The following STAMBPL1 variants were observed in gnomAD, a reference collection of about 807,000 sequenced individuals.
STAMBPL1 encodes STAM binding protein like 1.
Under a neutral mutation model 52.9 loss-of-function variants are expected in STAMBPL1, and 44 were observed. The observed-to-expected ratio is 0.83, with a 90% CI of 0.65 to 1.07. STAMBPL1 has a LOEUF of 1.07. STAMBPL1 is among the 50% of genes least tolerant of loss of function. STAMBPL1 has a pLI of 0.00. For synonymous variants in STAMBPL1, 164 were observed against 177.3 expected, an observed-to-expected ratio of 0.92 and a Z score of 0.60; for missense variants, 511 against 520.8, an observed-to-expected ratio of 0.98 and a Z score of 0.18.
intron 1 of STAMBPL1, among the ~76,000 whole-genome samples, chr10:88,884,206 A>T (rs1844473584): frequency 6.6e-6 from 1 of 152,264 alleles, no homozygotes; most frequent in Admixed American, 6.5e-5. Context: ...AAAACTGCTT[A>T]TCACTGTTCT....
Position 88,915,571 on chromosome 10 carries a change from C to T in STAMBPL1, c.903+913C>T, listed in dbSNP as rs564347442. Reference sequence around the variant, plus strand: ...TTGTATTCAGATTGGTTGACTGATTCGTTCACTCCATTGTCAGACAAACAT... The same window carrying T: ...TTGTATTCAGATTGGTTGACTGATTTGTTCACTCCATTGTCAGACAAACAT... On this transcript the variant is annotated intron_variant, in intron 7 of 10. Coordinates refer to ENST00000371926, the MANE Select transcript of STAMBPL1 (RefSeq NM_020799.4). Among the ~76,000 whole-genome samples the T allele has an allele frequency of 3.9e-5, 6 of 152,292 alleles. No homozygotes were observed. In the East Asian group the frequency reaches 9.7e-4, roughly 25 times the overall value.
At chr10:88,882,445 T>C (rs1437458291) in intron 1 of STAMBPL1, 1 of 152,252 alleles carries the variant, frequency 6.6e-6, no homozygotes, top group East Asian at 1.9e-4. Flanking sequence ...CACCGTTTGA[T>C]CATTTCCTTC....
chr10:88,901,905 C>G (rs1844952204), intron 2 of STAMBPL1, among the ~76,000 whole-genome samples, 167 bp downstream of exon 2: 1 of 152,184 alleles, frequency 6.6e-6, no homozygotes, highest in Non-Finnish European at 1.5e-5. Flanking sequence ...ATAAAGCTAT[C>G]TTTGTAAGAC....
chr10:88,885,875 A>G (rs2133116973), intron 1 of STAMBPL1, among the ~76,000 whole-genome samples: 1 of 152,312 alleles, frequency 6.6e-6, no homozygotes, highest in South Asian at 2.1e-4. Context: ...TGATTCCAAT[A>G]TTTTGACTTT....
chr10:88,906,039 A>C (rs1845065491), intron 3 of STAMBPL1, among the ~76,000 whole-genome samples: 1 of 152,212 alleles, frequency 6.6e-6, no homozygotes, highest in African/African-American at 2.4e-5. Context: ...TAGCACCTAG[A>C]ACATGCCATC....
chr10:88,886,362 C>T (rs1443124378), intron 1 of STAMBPL1, among the ~76,000 whole-genome samples: 1 of 152,102 alleles, frequency 6.6e-6, no homozygotes, highest in Non-Finnish European at 1.5e-5. Flanking sequence ...ATTTTGAAAT[C>T]TCACCCTTAA....
intron 9 of STAMBPL1, 84 bp from the exon 10 acceptor site, chr10:88,922,253 G>T: frequency 8.2e-7 from 1 of 1,221,644 alleles, no homozygotes; most frequent in Non-Finnish European, 1.2e-6. Flanking sequence ...TGAGGAATAT[G>T]TATGTGTGTG....
intron 1 of STAMBPL1, among the ~76,000 whole-genome samples, chr10:88,886,910 G>A (rs1844548636): frequency 6.6e-6 from 1 of 151,896 alleles, no homozygotes; most frequent in African/African-American, 2.4e-5. Flanking sequence ...TGGCTCATCT[G>A]AGGACCCTGT....
chr10:88,888,280 T>G (rs1446850308), intron 1 of STAMBPL1, among the ~76,000 whole-genome samples: 1 of 152,164 alleles, frequency 6.6e-6, no homozygotes, highest in African/African-American at 2.4e-5. Context: ...GGTTTAGACC[T>G]CTTCTGGCAG....
chr10:88,910,627 T>C (rs995625582), intron 4 of STAMBPL1, among the ~76,000 whole-genome samples: 9 of 152,290 alleles, frequency 5.9e-5, no homozygotes, highest in African/African-American at 1.7e-4. Context: ...ACCACAAAGG[T>C]AGCCACAAAG....
At chr10:88,915,068 C>T (rs983384404) in intron 7 of STAMBPL1, among the ~76,000 whole-genome samples, 9 of 152,026 alleles carry the variant, frequency 5.9e-5, no homozygotes, top group African/African-American at 1.9e-4. Flanking sequence ...TTTTCAGATA[C>T]ACGTGGAATA....
intron 7 of STAMBPL1, 94 bp from the exon 8 acceptor site, chr10:88,916,586 G>A: frequency 1.5e-6 from 2 of 1,314,460 alleles, no homozygotes; most frequent in Non-Finnish European, 2.0e-6. Context: ...CCCCCTGCTG[G>A]GGGACTCTTT....
intron 3 of STAMBPL1, among the ~76,000 whole-genome samples, chr10:88,906,934 A>C (rs1056050361): frequency 2.0e-5 from 3 of 152,170 alleles, no homozygotes; most frequent in African/African-American, 7.2e-5. Context: ...ATTGTTATTA[A>C]GTATAATCAT....
chr10:88,891,491 G>T (rs1844682708), intron 1 of STAMBPL1, among the ~76,000 whole-genome samples: 1 of 152,124 alleles, frequency 6.6e-6, no homozygotes, highest in African/African-American at 2.4e-5. Context: ...TGGTATATTT[G>T]CATAGTTTCC....
chr10:88,880,803 G>A (rs1808831181), intron 1 of STAMBPL1, among the ~76,000 whole-genome samples, 165 bp downstream of exon 1: 2 of 152,164 alleles, frequency 1.3e-5, no homozygotes, highest in Admixed American at 1.3e-4. Flanking sequence ...GCGGCTGATC[G>A]CTTCCTTCCT....
At chr10:88,889,281 G>T (rs1309499187) in intron 1 of STAMBPL1, among the ~76,000 whole-genome samples, 3 of 152,112 alleles carry the variant, frequency 2.0e-5, no homozygotes, top group Non-Finnish European at 4.4e-5. Flanking sequence ...TAGTCAACAG[G>T]AATGCATATT....
At chr10:88,892,332 GTGTC>G (rs1414127673) in intron 1 of STAMBPL1, among the ~76,000 whole-genome samples, 1 of 141,032 alleles carries the variant, frequency 7.1e-6, no homozygotes, top group Admixed American at 7.5e-5. Flanking sequence ...GTTTGTGTAT[GTGTC>G]TGTGTGTGTG....
intron 8 of STAMBPL1, among the ~76,000 whole-genome samples, chr10:88,919,751 A>AT: frequency 6.6e-6 from 1 of 150,916 alleles, no homozygotes; most frequent in Middle Eastern, 3.4e-3. Flanking sequence ...GCCAAGTGTT[A>AT]TTTTTTCCTT....
intron 2 of STAMBPL1, 84 bp from the exon 3 acceptor site, chr10:88,905,359 A>G: frequency 9.4e-7 from 1 of 1,065,582 alleles, no homozygotes; most frequent in Non-Finnish European, 1.4e-6. Flanking sequence ...GGTTCCTCAT[A>G]AAGAACATAT....
Sources: gnomAD v4.1 joint callset for allele counts (sites outside exome capture counted in the v4.1 genomes callset) on GRCh38, gnomAD v4.1.1 for gene constraint, MANE v1.5 for transcripts, NCBI Gene and HGNC (gene_info 2026-07-23, HGNC 2026-07-21) for gene names.